Variants in ZNF609 observed in about 807,000 individuals in gnomAD.
ZNF609 encodes the protein zinc finger protein 609.
A neutral mutation model predicts 109.5 loss-of-function variants in ZNF609; 11 were observed. The ratio of observed to expected loss-of-function variants is 0.10; its 90% CI spans 0.06 to 0.17. The LOEUF (loss-of-function observed/expected upper bound fraction) is 0.17. Ranked by LOEUF, ZNF609 falls within the 10% of genes least tolerant of loss-of-function variation. The pLI, the probability that ZNF609 is intolerant of heterozygous loss-of-function variation, is 1.00. For missense variants in ZNF609, 1,559 were observed against 1,772.4 expected (o/e 0.88, Z 2.16); for synonymous variants, 646 against 662.0 (o/e 0.98, Z 0.37).
intron 2 of ZNF609, among the ~76,000 whole-genome samples, chr15:64,579,706 AAAC>A (rs941777039): frequency 1.7e-5 from 1 of 59,694 alleles, no homozygotes; most frequent in African/African-American, 3.0e-5. Context: ...GAAAACAAAC[AAAC>A]AAAAAAAAAA....
At chr15:64,574,328 G>C (rs1894913694) in intron 2 of ZNF609, among the ~76,000 whole-genome samples, 1 of 152,080 alleles carries the variant, frequency 6.6e-6, no homozygotes, top group South Asian at 2.1e-4. Flanking sequence ...GGGGTTTATT[G>C]ATGGAGTTCC....
chr15:64,584,352 G>A (rs913812704), intron 2 of ZNF609, among the ~76,000 whole-genome samples: 36 of 151,932 alleles, frequency 2.4e-4, no homozygotes, highest in Non-Finnish European at 7.4e-5. Context: ...TTGAGACAGA[G>A]CCTTGCTCTG....
chr15:64,571,104 G>A (rs72742925), intron 2 of ZNF609, among the ~76,000 whole-genome samples: 7,340 of 152,264 alleles, frequency 0.048, 236 homozygotes, highest in South Asian at 0.086. Context: ...GATGCTAGAC[G>A]TAAGAGATGA....
At chr15:64,653,935 T>G (rs1464416668) in intron 3 of ZNF609, 1 of 152,202 alleles carries the variant, frequency 6.6e-6, no homozygotes, top group Non-Finnish European at 1.5e-5. Flanking sequence ...TCTGAAAGGT[T>G]GAAGGAAATT....
chr15:64,662,427 G>C (rs189133646), intron 3 of ZNF609, among the ~76,000 whole-genome samples: 18 of 152,156 alleles, frequency 1.2e-4, no homozygotes, highest in Admixed American at 1.0e-3. Flanking sequence ...CCGGGCTCAA[G>C]TGATCCCCCC....
chr15:64,659,699 G>T (rs900262897), intron 3 of ZNF609, among the ~76,000 whole-genome samples: 1 of 152,104 alleles, frequency 6.6e-6, no homozygotes, highest in Non-Finnish European at 1.5e-5. Flanking sequence ...ATTGTATCTA[G>T]AATAATGACC....
At chr15:64,662,690 G>C (rs1298334558) in intron 3 of ZNF609, among the ~76,000 whole-genome samples, 1 of 151,328 alleles carries the variant, frequency 6.6e-6, no homozygotes, top group Admixed American at 6.6e-5. Context: ...TCTTGAGACA[G>C]GGTCTCTTTC....
At chr15:64,676,751 A>AT (rs776767195) in intron 5 of ZNF609, among the ~76,000 whole-genome samples, 56 of 147,098 alleles carry the variant, frequency 3.8e-4, no homozygotes, top group African/African-American at 8.3e-4. Flanking sequence ...ATTTTATTTT[A>AT]TTTATTTATT....
chr15:64,655,130 A>G (rs1024472526), intron 3 of ZNF609, among the ~76,000 whole-genome samples: 6 of 146,266 alleles, frequency 4.1e-5, no homozygotes, highest in African/African-American at 1.3e-4. Context: ...AGTTGAGGGG[A>G]AAAAAAACAG....
intron 2 of ZNF609, among the ~76,000 whole-genome samples, chr15:64,563,653 G>A (rs1894724493): frequency 6.6e-6 from 1 of 151,876 alleles, no homozygotes; most frequent in South Asian, 2.1e-4. Flanking sequence ...GCGCATGCCT[G>A]TAATCCCAGC....
At chr15:64,659,594 T>G (rs540804125) in intron 3 of ZNF609, among the ~76,000 whole-genome samples, 2 of 152,016 alleles carry the variant, frequency 1.3e-5, no homozygotes, top group Admixed American at 1.3e-4. Flanking sequence ...ACACAGAAAC[T>G]CAGCAGAGTA....
chr15:64,551,617 A>C (rs1323105367), intron 2 of ZNF609, among the ~76,000 whole-genome samples: 1 of 144,618 alleles, frequency 6.9e-6, no homozygotes, highest in Non-Finnish European at 1.5e-5. Flanking sequence ...GCGCCACTGC[A>C]CTCCAGCCTG....
At chr15:64,547,902 AAT>A (rs1163973849) in intron 2 of ZNF609, among the ~76,000 whole-genome samples, 1 of 152,156 alleles carries the variant, frequency 6.6e-6, no homozygotes, top group African/African-American at 2.4e-5. Flanking sequence ...GGTGTAGAGA[AAT>A]ATATTGATTT....
intron 1 of ZNF609, among the ~76,000 whole-genome samples, chr15:64,495,217 C>T (rs565046116): frequency 6.6e-6 from 1 of 152,244 alleles, no homozygotes; most frequent in South Asian, 2.1e-4. Flanking sequence ...ATTGTTAAGG[C>T]TTTTTGAGGT....
intron 1 of ZNF609, among the ~76,000 whole-genome samples, chr15:64,482,376 GT>G (rs199558342): frequency 2.7e-5 from 4 of 148,328 alleles, no homozygotes; most frequent in Admixed American, 6.7e-5. Flanking sequence ...TTTCCTATAC[GT>G]TTTTTTTTTC....
intron 2 of ZNF609, among the ~76,000 whole-genome samples, chr15:64,565,753 T>G (rs1016543448): frequency 1.3e-5 from 2 of 152,210 alleles, no homozygotes; most frequent in Admixed American, 1.3e-4. Context: ...TTCACCATAG[T>G]TTTGACTAAA....
chr15:64,640,873 C>T (rs1446033479), intron 3 of ZNF609, among the ~76,000 whole-genome samples: 1 of 152,182 alleles, frequency 6.6e-6, no homozygotes, highest in Non-Finnish European at 1.5e-5. Flanking sequence ...CAAAGTTTCC[C>T]TAGTGTAAGA....
chr15:64,486,780 T>C, intron 1 of ZNF609, among the ~76,000 whole-genome samples: 1 of 152,098 alleles, frequency 6.6e-6, no homozygotes, highest in African/African-American at 2.4e-5. Flanking sequence ...CATGCGATGC[T>C]AATTTTTTGT....
chr15:64,477,028 C>T (rs957706513), intron 1 of ZNF609, among the ~76,000 whole-genome samples: 1 of 151,986 alleles, frequency 6.6e-6, no homozygotes, highest in African/African-American at 2.4e-5. Flanking sequence ...AGTCTCAGTA[C>T]CTAATTTCAG....
Sources: gnomAD v4.1 joint callset for allele counts (sites outside exome capture counted in the v4.1 genomes callset) on GRCh38, gnomAD v4.1.1 for gene constraint, MANE v1.5 for transcripts, NCBI Gene and HGNC (gene_info 2026-07-23, HGNC 2026-07-21) for gene names.